The following SLC38A8 variants were observed in gnomAD, a reference collection of about 807,000 sequenced individuals.
SLC38A8 encodes the protein amino acid transporter SLC38A8.
Under a neutral mutation model 46.0 loss-of-function variants are expected in SLC38A8, and 65 were observed. That is an observed-to-expected ratio of 1.41 (90% confidence interval 1.16 to 1.74). The LOEUF is 1.74. SLC38A8 is among the 40% of genes most tolerant of loss of function. The pLI is 0.00. For missense variants in SLC38A8, 998 were observed against 567.9 expected (o/e 1.76, Z -7.70); for synonymous variants, 447 against 243.7 (o/e 1.83, Z -7.77).
At chr16:84,031,989 G>C (rs1416232943) in intron 4 of SLC38A8, 21 bp from the exon 5 acceptor site, 6 of 1,607,020 alleles carry the variant, frequency 3.7e-6, no homozygotes, top group African/African-American at 2.7e-5. Context: ...GACCGTGTGA[G>C]GGGCTGCGCA....
intron 6 of SLC38A8, among the ~76,000 whole-genome samples, chr16:84,025,928 C>T (rs932556304): frequency 1.3e-5 from 2 of 152,226 alleles, no homozygotes; most frequent in Non-Finnish European, 2.9e-5. Context: ...CCCTCTGCCT[C>T]CTGCACCCCC....
chr16:84,042,391 A>C (rs1256959413), intron 1 of SLC38A8, among the ~76,000 whole-genome samples, 160 bp downstream of exon 1: 1 of 149,722 alleles, frequency 6.7e-6, no homozygotes. Context: ...CTGCCCTCCC[A>C]CTAGACCCCA....
chr16:84,014,599 C>G (rs7194252), intron 9 of SLC38A8, among the ~76,000 whole-genome samples: 104 of 152,330 alleles, frequency 6.8e-4, no homozygotes, highest in African/African-American at 2.4e-3. Flanking sequence ...ATGGCCACTC[C>G]CCTCACCTCT....
intron 1 of SLC38A8, 116 bp downstream of exon 1, chr16:84,042,435 T>C: frequency 3.1e-6 from 1 of 320,364 alleles, no homozygotes; most frequent in South Asian, 7.7e-5. Flanking sequence ...CCCTCTCTTC[T>C]CCCAAACCCC....
chr16:84,011,761 G>A (rs2151110846), intron 10 of SLC38A8, among the ~76,000 whole-genome samples: 1 of 152,300 alleles, frequency 6.6e-6, no homozygotes, highest in Admixed American at 6.5e-5. Flanking sequence ...GTGGGCGTCT[G>A]TGGTCCCAGC....
At chr16:84,010,242 TG>T (rs576327758) in intron 10 of SLC38A8, among the ~76,000 whole-genome samples, 1 of 152,096 alleles carries the variant, frequency 6.6e-6, no homozygotes, top group East Asian at 1.9e-4. Context: ...GGCCAATTTT[TG>T]TATTTTTAGT....
intron 7 of SLC38A8, among the ~76,000 whole-genome samples, chr16:84,017,535 C>T (rs2085045173): frequency 6.6e-6 from 1 of 152,208 alleles, no homozygotes; most frequent in Admixed American, 6.5e-5. Flanking sequence ...AGAGCTGGTG[C>T]ACGGAGCTCA....
intron 6 of SLC38A8, among the ~76,000 whole-genome samples, chr16:84,027,321 G>A (rs929569120): frequency 2.1e-5 from 3 of 143,872 alleles, no homozygotes; most frequent in East Asian, 2.0e-4. Flanking sequence ...CTGCACTCCA[G>A]CCTGGGCGAC....
intron 8 of SLC38A8, among the ~76,000 whole-genome samples, 191 bp from the exon 9 acceptor site, chr16:84,016,918 G>A (rs141465773): frequency 6.6e-6 from 1 of 152,336 alleles, no homozygotes; most frequent in East Asian, 1.9e-4. Flanking sequence ...CCATGGGGCA[G>A]GGGATGAAGC....
intron 6 of SLC38A8, among the ~76,000 whole-genome samples, chr16:84,027,202 T>C (rs937321394): frequency 6.6e-6 from 1 of 151,894 alleles, no homozygotes; most frequent in Non-Finnish European, 1.5e-5. Flanking sequence ...ATACAAAAAT[T>C]AGCTGGACGT....
intron 9 of SLC38A8, among the ~76,000 whole-genome samples, chr16:84,014,661 C>T (rs995983071): frequency 3.3e-5 from 5 of 152,236 alleles, no homozygotes; most frequent in Non-Finnish European, 7.3e-5. Context: ...CTCCTCCCCT[C>T]CCTTCACTTC....
chr16:84,013,077 C>G lies in SLC38A8; in HGVS notation c.1163-25G>C, dbSNP rs368021455. Reference sequence around the variant, plus strand: ...CCTGCAAAAAAGACAGGGTCACCCACAGTTCTTCGTTATCAAACCCAAAGC... The same window carrying G: ...CCTGCAAAAAAGACAGGGTCACCCAGAGTTCTTCGTTATCAAACCCAAAGC... On this transcript the variant is annotated intron_variant, in intron 9 of 10. Coordinates refer to ENST00000299709, the MANE Select transcript of SLC38A8 (RefSeq NM_001080442.3). 27 of 1,613,792 alleles carry G rather than the reference C, an allele frequency of 1.7e-5. No homozygotes were observed. In the East Asian group the frequency reaches 5.8e-4, roughly 35 times the overall value.
At chr16:84,041,769 G>A (rs1459692537) in intron 2 of SLC38A8, among the ~76,000 whole-genome samples, 200 bp downstream of exon 2, 1 of 152,194 alleles carries the variant, frequency 6.6e-6, no homozygotes, top group Non-Finnish European at 1.5e-5. Context: ...GATGCCACCA[G>A]CGCCCACGGG....
intron 6 of SLC38A8, among the ~76,000 whole-genome samples, chr16:84,027,142 G>C (rs2085173605): frequency 6.6e-6 from 1 of 152,152 alleles, no homozygotes; most frequent in African/African-American, 2.4e-5. Context: ...AAAAGGTTAA[G>C]AGATCGAGAC....
chr16:84,024,250 G>C, intron 6 of SLC38A8, among the ~76,000 whole-genome samples: 1 of 152,206 alleles, frequency 6.6e-6, no homozygotes, highest in Non-Finnish European at 1.5e-5. Context: ...GACCAGAAAA[G>C]GTCATGAAGG....
At chr16:84,039,068 A>T (rs911374336) in intron 2 of SLC38A8, among the ~76,000 whole-genome samples, 10 of 152,128 alleles carry the variant, frequency 6.6e-5, no homozygotes, top group African/African-American at 2.4e-4. Flanking sequence ...CCCTCAACCC[A>T]TTGAGGTATG....
chr16:84,036,364 G>C (rs2085299193), intron 3 of SLC38A8, among the ~76,000 whole-genome samples: 1 of 152,250 alleles, frequency 6.6e-6, no homozygotes, highest in African/African-American at 2.4e-5. Context: ...CAGAGCCACA[G>C]CCATTCCAAA....
chr16:84,026,509 G>A (rs1328043136), intron 6 of SLC38A8, among the ~76,000 whole-genome samples: 4 of 152,350 alleles, frequency 2.6e-5, no homozygotes, highest in East Asian at 1.9e-4. Context: ...TTACAGGCAT[G>A]AGCCACCGTG....
chr16:84,014,963 T>C (rs1471883259), intron 9 of SLC38A8, among the ~76,000 whole-genome samples: 1 of 152,136 alleles, frequency 6.6e-6, no homozygotes, highest in Non-Finnish European at 1.5e-5. Context: ...CCATTCGAGT[T>C]TTGGAAGACC....
Sources: gnomAD v4.1 joint callset for allele counts (sites outside exome capture counted in the v4.1 genomes callset) on GRCh38, gnomAD v4.1.1 for gene constraint, MANE v1.5 for transcripts, NCBI Gene and HGNC (gene_info 2026-07-23, HGNC 2026-07-21) for gene names.